GRB10: variants seen among roughly 807,000 people sequenced by gnomAD.
GRB10 encodes growth factor receptor-bound protein 10.
A neutral mutation model predicts 80.9 loss-of-function variants in GRB10; 20 were observed. That is an observed-to-expected ratio of 0.25 (90% CI 0.17 to 0.36). The LOEUF is 0.36. GRB10 is among the 10% of genes least tolerant of loss of function. The pLI is 1.00. For missense variants in GRB10, 548 were observed against 747.7 expected, an observed-to-expected ratio of 0.73 and a Z score of 3.12; for synonymous variants, 291 against 291.5, an observed-to-expected ratio of 1.00 and a Z score of 0.02.
intron 18 of GRB10, among the ~76,000 whole-genome samples, chr7:50,594,128 A>G (rs1416238696): frequency 6.6e-6 from 1 of 152,210 alleles, no homozygotes. Flanking sequence ...TCCCTAGGAC[A>G]GTAATTCCTG....
intron 7 of GRB10, among the ~76,000 whole-genome samples, chr7:50,638,398 AAAAC>A (rs1394697331): frequency 1.3e-5 from 2 of 152,236 alleles, no homozygotes; most frequent in Non-Finnish European, 2.9e-5. Flanking sequence ...TCAGCCAGAA[AAAAC>A]AAACAATCCC....
At chr7:50,604,689 T>C (rs1413430289) in intron 15 of GRB10, among the ~76,000 whole-genome samples, 1 of 152,222 alleles carries the variant, frequency 6.6e-6, no homozygotes, top group African/African-American at 2.4e-5. Context: ...AGCCTTTCTA[T>C]TAAACTCACG....
chr7:50,597,923 G>A (rs575308972), intron 17 of GRB10, among the ~76,000 whole-genome samples: 1 of 152,240 alleles, frequency 6.6e-6, no homozygotes, highest in Admixed American at 6.5e-5. Context: ...GAGTGCAATG[G>A]TGCAATCTCA....
chr7:50,635,378 T>C (rs73113061), intron 7 of GRB10, among the ~76,000 whole-genome samples: 14,820 of 151,894 alleles, frequency 0.098, 935 homozygotes, highest in Non-Finnish European at 0.11. Flanking sequence ...GCAAAAGCAG[T>C]GCTAAGAAAT....
At chr7:50,707,912 A>G (rs1365968024) in intron 4 of GRB10, among the ~76,000 whole-genome samples, 3 of 152,216 alleles carry the variant, frequency 2.0e-5, no homozygotes, top group Non-Finnish European at 4.4e-5. Flanking sequence ...TTAAGTGCCA[A>G]CCAGGCTCCA....
chr7:50,712,846 C>T (rs919147223), intron 4 of GRB10, among the ~76,000 whole-genome samples: 1 of 152,196 alleles, frequency 6.6e-6, no homozygotes, highest in African/African-American at 2.4e-5. Context: ...AATTACATAA[C>T]ATAAATTTCA....
In GRB10 at chr7:50,732,312, G is replaced by A. The variant is rs758835985; in HGVS notation, c.11C>T (p.Ala4Val). Residue 4 changes from alanine (A) to valine (V), a missense_variant, in exon 4 of 19, where the codon GCC becomes GTC. Around this residue, in one of 4 missense-constraint regions of GRB10, gnomAD observed 245 missense variants for 229.3 expected, o/e 1.07. Transcript: ENST00000401949. MAL[A>V]GCPDSFLHHP... ...GTGCAAAAAGGAATCTGGGCAGCCGGCTAAAGCCATGGGTTCCTTCTGCCT... is the reference window on the plus strand; with the variant it reads ...GTGCAAAAAGGAATCTGGGCAGCCGACTAAAGCCATGGGTTCCTTCTGCCT... 3.4e-5 allele frequency: 55 copies of A among 1,613,918 alleles called. No individual in the cohort carries two copies. The highest frequency in any genetic ancestry group is 2.3e-5 in the Non-Finnish European group (27 of 1,179,964).
In GRB10 at chr7:50,674,520, G is replaced by A. The variant is rs1281711598; in HGVS notation, c.278C>T (p.Ser93Leu). ...GQHARSQPRA[S>L]GPPRSIQPQV... ...TGGCTGGATGGACCGAGGAGGGCCT[G>A]AAGCCCGAGGCTGGCTGCGGGCATG... Residue 93 changes from serine (S) to leucine (L), a missense_variant, in exon 6 of 19, where the codon TCA becomes TTA. This residue lies in a region of GRB10 where 245 missense variants were observed against 229.3 expected (regional missense o/e 1.07). Coordinates refer to ENST00000401949, the MANE Select transcript of GRB10 (RefSeq NM_001350814.2). The A allele has an allele frequency of 3.1e-6, 5 of 1,610,420 alleles. No homozygotes were observed. In the African/African-American group the frequency reaches 5.3e-5, roughly 17 times the overall value.
chr7:50,753,504 A>G (rs973475967), intron 3 of GRB10, among the ~76,000 whole-genome samples: 3 of 152,176 alleles, frequency 2.0e-5, no homozygotes, highest in South Asian at 2.1e-4. Flanking sequence ...CATGGCTTAT[A>G]AAGTTTGGAA....
chr7:50,783,173 C>G (rs1297154308), upstream of GRB10, among the ~76,000 whole-genome samples: 2 of 152,218 alleles, frequency 1.3e-5, no homozygotes, highest in African/African-American at 4.8e-5. Flanking sequence ...GCCGCCTGCT[C>G]GAGCAACCTT....
upstream of GRB10, among the ~76,000 whole-genome samples, chr7:50,784,803 A>C (rs2078623614): frequency 6.6e-6 from 1 of 152,252 alleles, no homozygotes; most frequent in Admixed American, 6.5e-5. Context: ...GTGGAGATGA[A>C]GCCTGATGAT....
intron 7 of GRB10, among the ~76,000 whole-genome samples, chr7:50,669,247 T>C (rs767782516): frequency 1.3e-5 from 2 of 152,246 alleles, no homozygotes; most frequent in Non-Finnish European, 2.9e-5. Context: ...AATTGGTTCA[T>C]GGTTCTGCAG....
chr7:50,641,929 G>A (rs1055873261), intron 7 of GRB10, among the ~76,000 whole-genome samples: 8 of 152,186 alleles, frequency 5.3e-5, no homozygotes, highest in Admixed American at 2.0e-4. Flanking sequence ...CCTGGCCAGC[G>A]GCAGAGTACC....
intron 7 of GRB10, among the ~76,000 whole-genome samples, chr7:50,641,159 CT>C (rs2056157770): frequency 1.7e-5 from 1 of 59,268 alleles, no homozygotes; most frequent in African/African-American, 8.4e-5. Flanking sequence ...CTTCCTCACT[CT>C]TGCTTGCTCT....
intron 4 of GRB10, among the ~76,000 whole-genome samples, chr7:50,726,325 G>A (rs1309478661): frequency 6.6e-6 from 1 of 152,178 alleles, no homozygotes; most frequent in African/African-American, 2.4e-5. Context: ...TTGAACCCGG[G>A]AGGTGGGGGT....
At chr7:50,685,780 GAA>G (rs1197600843) in intron 5 of GRB10, among the ~76,000 whole-genome samples, 2 of 152,166 alleles carry the variant, frequency 1.3e-5, no homozygotes, top group Non-Finnish European at 2.9e-5. Flanking sequence ...ATCAGGATGA[GAA>G]AAGTCATTCT....
intron 4 of GRB10, among the ~76,000 whole-genome samples, chr7:50,713,192 T>G (rs1017277919): frequency 6.6e-6 from 1 of 152,112 alleles, no homozygotes; most frequent in African/African-American, 2.4e-5. Context: ...TATTGAAGAT[T>G]TAGTGTGATC....
At chr7:50,683,674 T>C (rs955084879) in intron 5 of GRB10, among the ~76,000 whole-genome samples, 21 of 152,108 alleles carry the variant, frequency 1.4e-4, no homozygotes, top group African/African-American at 4.1e-4. Context: ...GAGGTGGACA[T>C]TGCAGTGAGC....
chr7:50,612,253 C>T (rs1210104621), intron 13 of GRB10, among the ~76,000 whole-genome samples: 1 of 152,190 alleles, frequency 6.6e-6, no homozygotes, highest in Non-Finnish European at 1.5e-5. Context: ...ACCTCATGTA[C>T]TATTTCCTTT....
Sources: allele counts gnomAD v4.1 joint callset (sites outside exome capture counted in the v4.1 genomes callset), GRCh38; gene constraint gnomAD v4.1.1; regional missense constraint gnomAD v4.1.1; transcripts MANE v1.5; gene names NCBI Gene and HGNC (gene_info 2026-07-23, HGNC 2026-07-21).